CFAP299: variants seen among roughly 807,000 people sequenced by gnomAD.
CFAP299 encodes the protein cilia- and flagella-associated protein 299.
In CFAP299, 21 loss-of-function variants were observed where a neutral mutation model predicts 27.0. That is an observed-to-expected ratio of 0.78 (90% CI 0.55 to 1.12). The LOEUF is 1.12. Ranked by LOEUF, CFAP299 falls within the 50% of genes most tolerant of loss-of-function variation. The probability of loss-of-function intolerance (pLI) is 0.00; values close to 1 mark genes in which losing one functional copy is unlikely to be tolerated. For missense variants in CFAP299, 310 were observed against 276.6 expected (o/e 1.12, Z -0.86); for synonymous variants, 104 against 98.1 (o/e 1.06, Z -0.36).
At chr4:80,875,358 A>C (rs764491008) in intron 4 of CFAP299, among the ~76,000 whole-genome samples, 6 of 152,180 alleles carry the variant, frequency 3.9e-5, no homozygotes, top group African/African-American at 1.4e-4. Context: ...AATTTTCTTT[A>C]AACTTATAAG....
chr4:80,393,222 T>G (rs1221836858), intron 2 of CFAP299, among the ~76,000 whole-genome samples: 1 of 152,178 alleles, frequency 6.6e-6, no homozygotes, highest in Non-Finnish European at 1.5e-5. Context: ...TTTTATGCAA[T>G]TGTACAGTGA....
chr4:80,921,896 AG>A (rs1253915523), intron 4 of CFAP299, among the ~76,000 whole-genome samples: 12 of 150,494 alleles, frequency 8.0e-5, no homozygotes, highest in African/African-American at 2.7e-4. Flanking sequence ...ATATGATGAG[AG>A]GAAAGAGTCA....
At chr4:80,583,645 T>C (rs1258445838) in intron 3 of CFAP299, among the ~76,000 whole-genome samples, 2 of 151,954 alleles carry the variant, frequency 1.3e-5, no homozygotes, top group African/African-American at 4.8e-5. Context: ...ATCATTATTA[T>C]TTTGAATGAT....
intron 3 of CFAP299, among the ~76,000 whole-genome samples, chr4:80,632,064 A>G (rs1739241911): frequency 6.6e-6 from 1 of 151,968 alleles, no homozygotes; most frequent in African/African-American, 2.4e-5. Context: ...AGAACCTGAC[A>G]ATGCTGGCAC....
At chr4:80,673,656 C>T (rs1719178294) in intron 3 of CFAP299, among the ~76,000 whole-genome samples, 1 of 152,074 alleles carries the variant, frequency 6.6e-6, no homozygotes, top group Non-Finnish European at 1.5e-5. Context: ...GTCTAAGCCT[C>T]TTTGTAGGTC....
intron 5 of CFAP299, among the ~76,000 whole-genome samples, chr4:80,951,018 A>G (rs1737748814): frequency 6.6e-6 from 1 of 152,212 alleles, no homozygotes; most frequent in South Asian, 2.1e-4. Flanking sequence ...TACATAATCC[A>G]TTTTGAAAGG....
At chr4:80,389,137 G>A (rs1229376611) in intron 2 of CFAP299, among the ~76,000 whole-genome samples, 2 of 152,092 alleles carry the variant, frequency 1.3e-5, no homozygotes, top group Non-Finnish European at 2.9e-5. Context: ...TTTATGCCTG[G>A]GATAAGCTCA....
chr4:80,343,799 T>TAAAA lies in CFAP299; in HGVS notation c.111+7940_111+7943dup, dbSNP rs35187249. Among the ~76,000 whole-genome samples the TAAAA allele has an allele frequency of 4.0e-3, 302 of 75,290 alleles. 9 individuals carry two copies. Among genetic ancestry groups the TAAAA allele is most frequent in the African/African-American group, 0.011 (182 of 16,670 alleles). 49.4% of individuals were successfully genotyped at this position (75,290 alleles called of 152,430 possible). On this transcript the variant is annotated intron_variant, in intron 1 of 5. Coordinates refer to ENST00000358105, the MANE Select transcript of CFAP299 (RefSeq NM_152770.3). ...CTGGGCGACAGAGCGAGACTCCGTC[T>TAAAA]AAAAAAAAAAAAAAAAAAAAAAAGA...
chr4:80,888,937 C>T (rs1447213083), intron 4 of CFAP299, among the ~76,000 whole-genome samples: 1 of 137,926 alleles, frequency 7.3e-6, no homozygotes, highest in Admixed American at 7.7e-5. Flanking sequence ...ATAATGGAAA[C>T]ACGACATGCC....
At chr4:80,725,586 G>C (rs114794061) in intron 3 of CFAP299, among the ~76,000 whole-genome samples, 214 of 152,318 alleles carry the variant, frequency 1.4e-3, no homozygotes, top group Non-Finnish European at 2.4e-3. Context: ...CCCTGGAAAA[G>C]TCAGATTCTT....
intron 3 of CFAP299, among the ~76,000 whole-genome samples, chr4:80,855,617 T>A (rs1731816946): frequency 6.6e-6 from 1 of 152,160 alleles, no homozygotes; most frequent in African/African-American, 2.4e-5. Context: ...CCATGTGTTC[T>A]CATTGTTCAA....
chr4:80,721,638 A>G (rs1178958466), intron 3 of CFAP299, among the ~76,000 whole-genome samples: 4 of 152,350 alleles, frequency 2.6e-5, no homozygotes, highest in Non-Finnish European at 4.4e-5. Flanking sequence ...GGGGAACTCA[A>G]TTCAGCCCAT....
In CFAP299 at chr4:80,963,551, TC is replaced by T. The variant is rs1343978374; in HGVS notation, c.643del (p.Leu215Ter). ...QPGDNSTRIT[I>X]LTELYVQAVI... ...GGTGACAACTCTACTAGAATCACTA[TC>T]CTGACAGAACTCTACGTACAAGCTG... On this transcript the variant is annotated frameshift_variant, in exon 6 of 6. Transcript: ENST00000358105. LOFTEE classifies it high-confidence loss of function. 2.5e-6 allele frequency: 4 copies of T among 1,608,766 alleles called. No individual in the cohort carries two copies. The African/African-American group carries it at 5.4e-5, about 22-fold the overall frequency.
At position 80,556,533 on chromosome 4, in the gene CFAP299, A is replaced by G. The variant is rs188447934; in HGVS notation, c.243-26560A>G. On this transcript the variant is annotated intron_variant, in intron 2 of 5. Transcript: ENST00000358105. ...TATAACCGAAAGGAAGCTAAACACC[A>G]TCTCAGATTTGACAGTACTTCCTGT... 2.7e-3 allele frequency among the ~76,000 whole-genome samples: 411 copies of G among 152,142 alleles called. 2 individuals are homozygous for G. Among genetic ancestry groups the G allele is most frequent in the Non-Finnish European group, 4.3e-3 (291 of 67,938 alleles).
At chr4:80,618,574 T>C (rs924596946) in intron 3 of CFAP299, among the ~76,000 whole-genome samples, 4 of 152,056 alleles carry the variant, frequency 2.6e-5, no homozygotes, top group African/African-American at 9.7e-5. Flanking sequence ...TAAACATCAA[T>C]GGATTCTTAG....
intron 3 of CFAP299, among the ~76,000 whole-genome samples, chr4:80,680,140 C>G (rs771811101): frequency 1.3e-5 from 2 of 151,986 alleles, no homozygotes; most frequent in Non-Finnish European, 2.9e-5. Flanking sequence ...GAAGTCAACT[C>G]TCATTTAAAA....
At chr4:80,891,777 T>TAA (rs1560465307) in intron 4 of CFAP299, among the ~76,000 whole-genome samples, 30 of 19,016 alleles carry the variant, frequency 1.6e-3, no homozygotes, top group African/African-American at 7.6e-3. Flanking sequence ...AAAAAAAAAA[T>TAA]TAAAAAAAAA....
intron 3 of CFAP299, among the ~76,000 whole-genome samples, chr4:80,839,545 A>G (rs1432063007): frequency 3.3e-5 from 5 of 152,160 alleles, no homozygotes; most frequent in Non-Finnish European, 5.9e-5. Context: ...ATCTCTGGCC[A>G]TAAGTGTTTT....
At chr4:80,404,985 G>T (rs148543604) in intron 2 of CFAP299, among the ~76,000 whole-genome samples, 316 of 152,272 alleles carry the variant, frequency 2.1e-3, no homozygotes, top group Non-Finnish European at 3.2e-3. Context: ...TGATGGGTGT[G>T]AGGAGTAGCA....
Sources: gnomAD v4.1 joint callset for allele counts (sites outside exome capture counted in the v4.1 genomes callset) on GRCh38, gnomAD v4.1.1 for gene constraint, MANE v1.5 for transcripts, NCBI Gene and HGNC (gene_info 2026-07-23, HGNC 2026-07-21) for gene names.